RALYL: variants seen among roughly 807,000 people sequenced by gnomAD.
RALYL encodes the protein RALY RNA binding protein like, also known as RNA-binding Raly-like protein.
A neutral mutation model predicts 35.1 loss-of-function variants in RALYL; 29 were observed. The observed-to-expected ratio is 0.83, with a 90% CI of 0.61 to 1.13. The LOEUF is 1.13. Among genes scored for constraint, RALYL ranks in the 50% most tolerant of loss-of-function variants. The probability of loss-of-function intolerance (pLI) is 0.00; values close to 1 mark genes in which losing one functional copy is unlikely to be tolerated. For missense variants in RALYL, 359 were observed against 360.4 expected (o/e 1.00, Z 0.03); for synonymous variants, 120 against 127.6 (o/e 0.94, Z 0.40).
chr8:84,228,996 A>C (rs760223661), intron 1 of RALYL, among the ~76,000 whole-genome samples: 5 of 152,152 alleles, frequency 3.3e-5, no homozygotes, highest in African/African-American at 4.8e-5. Context: ...GAGCCAAACT[A>C]TATCACATCC....
chr8:84,880,991 A>G (rs1842089182), intron 7 of RALYL, among the ~76,000 whole-genome samples: 1 of 151,812 alleles, frequency 6.6e-6, no homozygotes, highest in Non-Finnish European at 1.5e-5. Context: ...GGATTATATA[A>G]TATCTCTACT....
chr8:84,315,944 G>C (rs1167240680), intron 1 of RALYL, among the ~76,000 whole-genome samples: 2 of 151,986 alleles, frequency 1.3e-5, no homozygotes, highest in Non-Finnish European at 2.9e-5. Flanking sequence ...TAAAATCTGG[G>C]GTAGGATGAA....
intron 8 of RALYL, among the ~76,000 whole-genome samples, chr8:84,892,577 T>G (rs1351562694): frequency 6.9e-6 from 1 of 145,656 alleles, no homozygotes; most frequent in African/African-American, 2.6e-5. Flanking sequence ...GCCATTGCAC[T>G]CCAGCCTGGG....
At chr8:84,788,885 T>A (rs1466701767) in intron 3 of RALYL, among the ~76,000 whole-genome samples, 1 of 152,146 alleles carries the variant, frequency 6.6e-6, no homozygotes, top group Non-Finnish European at 1.5e-5. Context: ...AGTGGTGCAG[T>A]GGAATGAGCA....
At chr8:84,316,369 A>G (rs1463243264) in intron 1 of RALYL, among the ~76,000 whole-genome samples, 1 of 152,134 alleles carries the variant, frequency 6.6e-6, no homozygotes, top group African/African-American at 2.4e-5. Flanking sequence ...AAGTATTTCT[A>G]TAATATCAGG....
At chr8:84,370,537 A>G (rs772006532) in intron 1 of RALYL, among the ~76,000 whole-genome samples, 26 of 151,966 alleles carry the variant, frequency 1.7e-4, no homozygotes, top group Non-Finnish European at 3.1e-4. Flanking sequence ...GAACCATATG[A>G]TATGTTCAGT....
intron 1 of RALYL, among the ~76,000 whole-genome samples, chr8:84,517,600 C>A (rs1366931495): frequency 2.0e-5 from 3 of 152,120 alleles, no homozygotes; most frequent in Non-Finnish European, 4.4e-5. Context: ...CACTAGTAAT[C>A]AAAGTCCAAA....
chr8:84,841,388 T>G (rs985152985), intron 4 of RALYL, among the ~76,000 whole-genome samples: 1 of 151,862 alleles, frequency 6.6e-6, no homozygotes, highest in Non-Finnish European at 1.5e-5. Flanking sequence ...TACATAATGG[T>G]AAAGGGATCA....
In RALYL at chr8:84,242,621, C is replaced by T. The variant is rs144014504; in HGVS notation, c.-24+58197C>T. 4.6e-5 allele frequency among the ~76,000 whole-genome samples: 7 copies of T among 152,296 alleles called. No homozygotes were observed. In the East Asian group the frequency reaches 1.3e-3, roughly 29 times the overall value. On this transcript the variant is annotated intron_variant, in intron 1 of 8. Transcript: ENST00000521268. ...GGTTTTTTTATATGTTTGTTGGCTG[C>T]ATGAATGTCTTCTTTTGAGAAGTAT... is the stretch of plus-strand genomic sequence containing the variant.
chr8:84,562,387 T>C (rs1003517535), intron 2 of RALYL, among the ~76,000 whole-genome samples: 2 of 151,968 alleles, frequency 1.3e-5, no homozygotes, highest in Non-Finnish European at 2.9e-5. Context: ...TATCAAAAAC[T>C]CATAAGCAAA....
chr8:84,650,423 A>G (rs1346078986), intron 2 of RALYL, among the ~76,000 whole-genome samples: 4 of 152,172 alleles, frequency 2.6e-5, no homozygotes, highest in Non-Finnish European at 5.9e-5. Flanking sequence ...ACGTGAAAAG[A>G]CACTTCTCAA....
chr8:84,462,622 T>C (rs2050944231), intron 1 of RALYL, among the ~76,000 whole-genome samples: 1 of 148,748 alleles, frequency 6.7e-6, no homozygotes, highest in Admixed American at 6.7e-5. Context: ...TTTTTGCATG[T>C]GGATATCCAG....
At chr8:84,756,218 C>T (rs1173797852) in intron 2 of RALYL, among the ~76,000 whole-genome samples, 5 of 152,042 alleles carry the variant, frequency 3.3e-5, no homozygotes, top group Admixed American at 3.3e-4. Context: ...ATGTTTCAGA[C>T]AATTTTCCAG....
At chr8:84,373,350 A>G (rs1164126299) in intron 1 of RALYL, among the ~76,000 whole-genome samples, 1 of 152,034 alleles carries the variant, frequency 6.6e-6, no homozygotes, top group Non-Finnish European at 1.5e-5. Flanking sequence ...TTATAGTTTC[A>G]GGTTTTACAT....
intron 1 of RALYL, among the ~76,000 whole-genome samples, chr8:84,426,446 G>GTT (rs2046457404): frequency 6.7e-6 from 1 of 149,784 alleles, no homozygotes; most frequent in Non-Finnish European, 1.5e-5. Context: ...CTCTGTGTGT[G>GTT]TGTGTGTGTG....
At position 84,840,422 on chromosome 8, in the gene RALYL, A is replaced by C. The variant is rs187058128; in HGVS notation, c.366-9558A>C. Among the ~76,000 whole-genome samples, 280 of 152,284 alleles carry C rather than the reference A, an allele frequency of 1.8e-3. 1 individual carries two copies. The highest frequency in any genetic ancestry group is 6.3e-3 in the African/African-American group (261 of 41,562). On this transcript the variant is annotated intron_variant, in intron 4 of 8. Coordinates refer to ENST00000521268, the MANE Select transcript of RALYL (RefSeq NM_173848.7). The stretch of plus-strand genomic sequence containing the variant: ...AGTGAGAAGAGAAGTTTAGAGAAAA[A>C]AGAAAAAAGAAATGAACAAAGCCTC...
At chr8:84,191,168 G>T (rs752901575) in intron 1 of RALYL, among the ~76,000 whole-genome samples, 1 of 122,376 alleles carries the variant, frequency 8.2e-6, no homozygotes, top group African/African-American at 3.5e-5. Flanking sequence ...TGTATGTGTC[G>T]TGTGTGTGTG....
At chr8:84,712,441 A>C (rs976891289) in intron 2 of RALYL, among the ~76,000 whole-genome samples, 1 of 149,970 alleles carries the variant, frequency 6.7e-6, no homozygotes, top group African/African-American at 2.5e-5. Context: ...GAAATATATT[A>C]TCTCTCTCTC....
intron 2 of RALYL, among the ~76,000 whole-genome samples, chr8:84,661,467 C>G (rs1244291717): frequency 1.3e-5 from 2 of 151,610 alleles, no homozygotes; most frequent in Non-Finnish European, 2.9e-5. Context: ...ATCAAATGTG[C>G]TTTTTATTAT....
Sources: allele counts gnomAD v4.1 joint callset (sites outside exome capture counted in the v4.1 genomes callset), GRCh38; gene constraint gnomAD v4.1.1; transcripts MANE v1.5; gene names NCBI Gene and HGNC (gene_info 2026-07-23, HGNC 2026-07-21).